Variants in NTM observed in about 807,000 individuals in gnomAD.
NTM encodes neurotrimin.
A neutral mutation model predicts 42.1 loss-of-function variants in NTM; 13 were observed. The ratio of observed to expected loss-of-function variants is 0.31; its 90% CI spans 0.20 to 0.49. The LOEUF (loss-of-function observed/expected upper bound fraction) is 0.49, where lower values mean the gene tolerates loss of function less well. Among genes scored for constraint, NTM ranks in the 20% least tolerant of loss-of-function variants. The pLI, the probability that NTM is intolerant of heterozygous loss-of-function variation, is 0.99. For synonymous variants in NTM, 187 were observed against 179.2 expected, an observed-to-expected ratio of 1.04 and a Z score of -0.35; for missense variants, 373 against 452.8, an observed-to-expected ratio of 0.82 and a Z score of 1.60.
At chr11:132,021,125 G>A (rs2074266962) in intron 2 of NTM, among the ~76,000 whole-genome samples, 2 of 151,842 alleles carry the variant, frequency 1.3e-5, no homozygotes, top group South Asian at 4.1e-4. Context: ...TACATTCATG[G>A]ATTCTTTCTT....
rs183927933 is a variant in NTM at position 132,119,455 on chromosome 11, G to A, written c.168-26827G>A. On this transcript the variant is annotated intron_variant, in intron 2 of 8. Transcript: ENST00000683400. Reference sequence around the variant, plus strand: ...AACAGCCAATTCCATTACCACCACCGGCCTCCACAGCCTGGGTTCAGCCAG... The same window carrying A: ...AACAGCCAATTCCATTACCACCACCAGCCTCCACAGCCTGGGTTCAGCCAG... 4.6e-5 allele frequency among the ~76,000 whole-genome samples: 7 copies of A among 152,210 alleles called. 1 individual carries two copies. Among genetic ancestry groups the A allele is most frequent in the Admixed American group, 1.3e-4 (2 of 15,294 alleles).
chr11:131,498,822 T>G (rs937616003), intron 1 of NTM, among the ~76,000 whole-genome samples: 4 of 152,188 alleles, frequency 2.6e-5, no homozygotes, highest in African/African-American at 9.7e-5. Flanking sequence ...CCTTTATTCT[T>G]GCTTGCCCTC....
At chr11:132,023,733 G>C (rs1261575880) in intron 2 of NTM, among the ~76,000 whole-genome samples, 1 of 151,306 alleles carries the variant, frequency 6.6e-6, no homozygotes, top group East Asian at 1.9e-4. Context: ...GTTGTTGTTG[G>C]TTTTGTTGTT....
intron 1 of NTM, among the ~76,000 whole-genome samples, chr11:131,380,987 T>C (rs529735484): frequency 6.6e-6 from 1 of 152,334 alleles, no homozygotes; most frequent in South Asian, 2.1e-4. Flanking sequence ...TAATCCCTCC[T>C]GGCTGTAATC....
chr11:131,548,724 A>G (rs1041326199), intron 1 of NTM, among the ~76,000 whole-genome samples: 12 of 152,224 alleles, frequency 7.9e-5, no homozygotes, highest in African/African-American at 2.9e-4. Flanking sequence ...TATCAAATGC[A>G]CCCATTGCCT....
At chr11:132,185,518 G>T (rs61906016) in intron 3 of NTM, among the ~76,000 whole-genome samples, 21 of 152,114 alleles carry the variant, frequency 1.4e-4, no homozygotes, top group African/African-American at 4.8e-4. Flanking sequence ...TATTGCACAT[G>T]ATTTTGTTAT....
intron 1 of NTM, among the ~76,000 whole-genome samples, chr11:131,705,125 C>G (rs1053378980): frequency 6.6e-6 from 1 of 152,104 alleles, no homozygotes; most frequent in Non-Finnish European, 1.5e-5. Flanking sequence ...ATCCATGATT[C>G]CAAAACAACC....
At chr11:131,865,390 T>A (rs556197131) in intron 1 of NTM, among the ~76,000 whole-genome samples, 27 of 152,316 alleles carry the variant, frequency 1.8e-4, no homozygotes, top group African/African-American at 6.0e-4. Context: ...GACCCCTGAA[T>A]GTGTTGTATT....
At chr11:131,664,692 C>T (rs1565394231) in intron 1 of NTM, among the ~76,000 whole-genome samples, 1 of 151,054 alleles carries the variant, frequency 6.6e-6, no homozygotes, top group Non-Finnish European at 1.5e-5. Flanking sequence ...GTTCATTATC[C>T]CCAAAGTCAA....
At chr11:131,816,582 C>T (rs1163170257) in intron 1 of NTM, among the ~76,000 whole-genome samples, 3 of 151,654 alleles carry the variant, frequency 2.0e-5, no homozygotes, top group Non-Finnish European at 4.4e-5. Context: ...ATTATTAGTC[C>T]AATTTATCAC....
intron 2 of NTM, chr11:131,981,481 C>T (rs1480623261): frequency 1.3e-5 from 2 of 152,128 alleles, no homozygotes; most frequent in African/African-American, 4.8e-5. Context: ...AGGGATGATT[C>T]ATTGGCATGA....
At chr11:132,136,062 C>T (rs1025646152) in intron 2 of NTM, among the ~76,000 whole-genome samples, 1 of 152,174 alleles carries the variant, frequency 6.6e-6, no homozygotes, top group Non-Finnish European at 1.5e-5. Flanking sequence ...ACCCTGGGGA[C>T]CCCTTCCTCT....
At chr11:131,704,646 A>T (rs894109997) in intron 1 of NTM, among the ~76,000 whole-genome samples, 2 of 152,234 alleles carry the variant, frequency 1.3e-5, no homozygotes, top group African/African-American at 4.8e-5. Context: ...AGAAATGGAG[A>T]TCTACAAACT....
At chr11:131,746,269 CT>C (rs2081812308) in intron 1 of NTM, among the ~76,000 whole-genome samples, 1 of 152,210 alleles carries the variant, frequency 6.6e-6, no homozygotes, top group Non-Finnish European at 1.5e-5. Context: ...GGACGGACAT[CT>C]TTCACGGGCT....
chr11:131,981,869 G>GGTGTCA (rs2065288569), intron 2 of NTM, among the ~76,000 whole-genome samples: 1 of 151,932 alleles, frequency 6.6e-6, no homozygotes, highest in Non-Finnish European at 1.5e-5. Flanking sequence ...AACATTAGCT[G>GGTGTCA]GGCGTGGTGT....
intron 1 of NTM, among the ~76,000 whole-genome samples, chr11:131,637,068 T>G (rs1231869813): frequency 6.6e-6 from 1 of 152,182 alleles, no homozygotes; most frequent in Non-Finnish European, 1.5e-5. Flanking sequence ...AAATGAAACA[T>G]CTGCTTCTTA....
chr11:131,946,834 C>T (rs2060399514), intron 2 of NTM, among the ~76,000 whole-genome samples: 1 of 152,184 alleles, frequency 6.6e-6, no homozygotes, highest in Non-Finnish European at 1.5e-5. Context: ...TTCACTAGTT[C>T]CTTATAAATT....
At chr11:131,438,867 T>C (rs1949366185) in intron 1 of NTM, among the ~76,000 whole-genome samples, 1 of 152,238 alleles carries the variant, frequency 6.6e-6, no homozygotes, top group African/African-American at 2.4e-5. Flanking sequence ...AGAGACGCTC[T>C]GGTTTTTAGA....
intron 1 of NTM, among the ~76,000 whole-genome samples, chr11:131,580,398 T>TG (rs756989004): frequency 7.2e-5 from 11 of 152,198 alleles, no homozygotes; most frequent in Non-Finnish European, 1.6e-4. Context: ...GACAGCGATT[T>TG]GGCCCTCTCC....
Sources: allele counts gnomAD v4.1 joint callset (sites outside exome capture counted in the v4.1 genomes callset), GRCh38; gene constraint gnomAD v4.1.1; transcripts MANE v1.5; gene names NCBI Gene and HGNC (gene_info 2026-07-23, HGNC 2026-07-21).